COL4A4: variants seen among roughly 807,000 people sequenced by gnomAD.
COL4A4 encodes collagen type IV alpha 4 chain, also known as collagen alpha-4(IV) chain.
Under a neutral mutation model 192.9 loss-of-function variants are expected in COL4A4, and 105 were observed. The ratio of observed to expected loss-of-function variants is 0.54; its 90% confidence interval spans 0.46 to 0.64. COL4A4 has a LOEUF of 0.64. Among genes scored for constraint, COL4A4 ranks in the 30% least tolerant of loss-of-function variants. COL4A4 has a pLI of 0.00. For synonymous variants in COL4A4, 762 were observed against 769.9 expected, an observed-to-expected ratio of 0.99 and a Z score of 0.17; for missense variants, 1,967 against 2,169.3, an observed-to-expected ratio of 0.91 and a Z score of 1.85.
intron 1 of COL4A4, among the ~76,000 whole-genome samples, chr2:227,152,780 T>A (rs988590686): frequency 5.3e-5 from 8 of 152,350 alleles, no homozygotes; most frequent in Non-Finnish European, 7.3e-5. Context: ...AAATACCCCA[T>A]CACTCAGAAG....
the COL4A4 span, among the ~76,000 whole-genome samples, chr2:226,987,360 G>T: frequency 1.3e-5 from 2 of 152,164 alleles, no homozygotes; most frequent in African/African-American, 4.8e-5. Flanking sequence ...AATTGGGATG[G>T]GAGGACGGCA....
chr2:226,995,485 T>C, the COL4A4 span: 1 of 1,613,312 alleles, frequency 6.2e-7, no homozygotes, highest in Non-Finnish European at 8.5e-7. Context: ...CCAGAAGAAA[T>C]GAGGAGACAG....
chr2:227,080,647 T>C (rs2059275778), intron 23 of COL4A4, 98 bp from the exon 24 acceptor site: 9 of 1,077,124 alleles, frequency 8.4e-6, no homozygotes, highest in Non-Finnish European at 1.3e-5. Context: ...TGATTCTGGG[T>C]TGGTAGTTTC....
At position 227,054,611 on chromosome 2, in the gene COL4A4, C is replaced by G. The variant is rs752977862; in HGVS notation, c.2843G>C (p.Gly948Ala). 3 of 1,613,986 alleles carry G rather than the reference C, an allele frequency of 1.9e-6. No homozygotes were observed. Among genetic ancestry groups the G allele is most frequent in the Non-Finnish European group, 2.5e-6 (3 of 1,179,992 alleles). ...KGMSGLPGDRGLRGAKGAIGP... is the reference protein window; with the variant it reads ...KGMSGLPGDRALRGAKGAIGP... ...TTATTTACCTTTGGCCCCTCTCAGT[C>G]CCCGGTCTCCAGGAAGGCCAGACAT... is the stretch of plus-strand genomic sequence containing the variant. Residue 948 changes from glycine to alanine, a missense_variant, in exon 31 of 48, where the codon GGA becomes GCA. Coordinates refer to ENST00000396625, the MANE Select transcript of COL4A4 (RefSeq NM_000092.5).
At chr2:227,014,892 CT>C (rs1179125792) in intron 44 of COL4A4, among the ~76,000 whole-genome samples, 2,447 of 106,590 alleles carry the variant, frequency 0.023, 27 homozygotes, top group African/African-American at 0.056. Context: ...CCATGCCTGG[CT>C]TTTTTTTTTT....
At chr2:227,101,944 T>A (rs774119505) in intron 15 of COL4A4, 35 bp from the exon 16 acceptor site, 2 of 1,506,728 alleles carry the variant, frequency 1.3e-6, no homozygotes, top group East Asian at 4.6e-5. Flanking sequence ...TAAACAGAAT[T>A]AAATCAGAAT....
chr2:227,065,157 C>T (rs2058228533), intron 25 of COL4A4, among the ~76,000 whole-genome samples: 1 of 152,240 alleles, frequency 6.6e-6, no homozygotes, highest in Admixed American at 6.5e-5. Flanking sequence ...GCCACTCCCA[C>T]CCGAATACTG....
chr2:227,131,163 CT>C (rs149428549), intron 4 of COL4A4, among the ~76,000 whole-genome samples: 5 of 125,030 alleles, frequency 4.0e-5, no homozygotes, highest in South Asian at 2.6e-4. Flanking sequence ...TTCTTTCTTT[CT>C]TTTTTTTTTA....
rs12612535 is a variant in COL4A4, at chr2:227,062,282, T to C, written c.2056+248A>G. 0.64 allele frequency among the ~76,000 whole-genome samples: 97,459 copies of C among 151,156 alleles called. 32,014 individuals carry two copies. The highest frequency in any genetic ancestry group is 0.76 in the African/African-American group (31,489 of 41,194). On this transcript the variant is annotated intron_variant, in intron 26 of 47. Coordinates refer to ENST00000396625, the MANE Select transcript of COL4A4 (RefSeq NM_000092.5). ...CAAGGGACAGACATTTTAACTGATA[T>C]GTGAGCAAATCAAGGTAAATTTTAT...
intron 4 of COL4A4, among the ~76,000 whole-genome samples, chr2:227,131,037 A>G (rs746758782): frequency 2.0e-5 from 3 of 151,838 alleles, no homozygotes; most frequent in Non-Finnish European, 4.4e-5. Context: ...CACCAGCCAC[A>G]TTTTCCAAAC....
intron 4 of COL4A4, among the ~76,000 whole-genome samples, chr2:227,138,619 C>T (rs550496962): frequency 1.1e-4 from 16 of 145,632 alleles, no homozygotes; most frequent in African/African-American, 2.3e-4. Context: ...GGTGACAGAG[C>T]GAGACTCTGT....
At chr2:227,122,124 G>T (rs932529003) in intron 4 of COL4A4, among the ~76,000 whole-genome samples, 2 of 152,160 alleles carry the variant, frequency 1.3e-5, no homozygotes, top group African/African-American at 2.4e-5. Context: ...GAAGCTTTAT[G>T]GGGCTCCTAC....
chr2:227,144,734 C>G (rs1192251925), intron 2 of COL4A4, among the ~76,000 whole-genome samples, 176 bp from the exon 3 acceptor site: 1 of 152,198 alleles, frequency 6.6e-6, no homozygotes, highest in Non-Finnish European at 1.5e-5. Context: ...TGGCTGCCAT[C>G]ATTGCCTTTC....
chr2:227,120,885 GCTGAGATCCCA>G lies in COL4A4; in HGVS notation c.327+118_327+128del, dbSNP rs1323601546. ...ACCTGGGAGGCGAAGGCTGCAGTGAGCTGAGATCCCACCACTGCATTCTAGCCTGAGTGACA... is the reference window on the plus strand; with the variant it reads ...ACCTGGGAGGCGAAGGCTGCAGTGAGCCACTGCATTCTAGCCTGAGTGACA... On this transcript the variant is annotated intron_variant, in intron 5 of 47. Transcript: ENST00000396625. 3.2e-6 allele frequency: 4 copies of G among 1,238,062 alleles called. No individual in the cohort carries two copies. In the African/African-American group the frequency reaches 4.4e-5, roughly 14 times the overall value. 76.7% of individuals were successfully genotyped at this position (1,238,062 alleles called of 1,614,324 possible). A position where few individuals can be genotyped will look rare whatever the true frequency, so the allele number is the denominator to read the frequency against.
In COL4A4 at chr2:227,006,786, T is replaced by C. The variant is rs925924512; in HGVS notation, c.*539A>G. Reference sequence around the variant, plus strand: ...TTTTTTTTTCTTCTTTAAAAAAAAATCTCTCTTTGCGTCATGGTTTTACCA... The same window carrying C: ...TTTTTTTTTCTTCTTTAAAAAAAAACCTCTCTTTGCGTCATGGTTTTACCA... On this transcript the variant is annotated 3_prime_UTR_variant, in exon 48 of 48. Transcript: ENST00000396625. 3 of 154,142 alleles carry C rather than the reference T, an allele frequency of 1.9e-5. No homozygotes were observed. Among genetic ancestry groups the C allele is most frequent in the Admixed American group, 1.9e-4 (3 of 15,696 alleles). 9.5% of individuals were successfully genotyped at this position (154,142 alleles called of 1,614,324 possible).
chr2:227,022,186 T>G lies in COL4A4; in HGVS notation c.4091-13A>C. 1.2e-6 allele frequency: 2 copies of G among 1,614,084 alleles called. No homozygotes were observed. Among genetic ancestry groups the G allele is most frequent in the Non-Finnish European group, 1.7e-6 (2 of 1,180,026 alleles). ...GGCCCCGGTTCACCTGAAATTGGAATCACCGCTTGTGTAATGGATGCACGT... is the reference window on the plus strand; with the variant it reads ...GGCCCCGGTTCACCTGAAATTGGAAGCACCGCTTGTGTAATGGATGCACGT... On this transcript the variant is annotated splice_polypyrimidine_tract_variant and intron_variant, in intron 43 of 47. Coordinates refer to ENST00000396625, the MANE Select transcript of COL4A4 (RefSeq NM_000092.5).
At chr2:226,988,118 T>C in the COL4A4 span, among the ~76,000 whole-genome samples, 1 of 152,196 alleles carries the variant, frequency 6.6e-6, no homozygotes, top group Non-Finnish European at 1.5e-5. Flanking sequence ...CAATATTTTA[T>C]TCTATTTTGA....
At chr2:227,086,852 T>C (rs2059627337) in intron 22 of COL4A4, among the ~76,000 whole-genome samples, 1 of 152,246 alleles carries the variant, frequency 6.6e-6, no homozygotes, top group South Asian at 2.1e-4. Flanking sequence ...ATTGCAACCA[T>C]GCTTATGCAC....
intron 22 of COL4A4, among the ~76,000 whole-genome samples, chr2:227,086,213 G>A (rs908562982): frequency 7.2e-5 from 11 of 152,180 alleles, no homozygotes; most frequent in African/African-American, 2.7e-4. Flanking sequence ...AAGAACTTAA[G>A]CCTAGTTTTC....
Sources: gnomAD v4.1 joint callset for allele counts (sites outside exome capture counted in the v4.1 genomes callset) on GRCh38, gnomAD v4.1.1 for gene constraint, MANE v1.5 for transcripts, NCBI Gene and HGNC (gene_info 2026-07-23, HGNC 2026-07-21) for gene names.